The following LRRTM4 variants were observed in gnomAD, a reference collection of about 807,000 sequenced individuals.
The protein encoded by LRRTM4 is leucine-rich repeat transmembrane neuronal protein 4.
A neutral mutation model predicts 47.6 loss-of-function variants in LRRTM4; 25 were observed. The observed-to-expected ratio is 0.53, with a 90% CI of 0.38 to 0.73. The LOEUF (loss-of-function observed/expected upper bound fraction) is 0.73, where lower values mean the gene tolerates loss of function less well. LRRTM4 is among the 30% of genes least tolerant of loss of function. The probability of loss-of-function intolerance (pLI) is 0.00; values close to 1 mark genes in which losing one functional copy is unlikely to be tolerated. For synonymous variants in LRRTM4, 311 were observed against 269.5 expected, an observed-to-expected ratio of 1.15 and a Z score of -1.51; for missense variants, 638 against 713.4, an observed-to-expected ratio of 0.89 and a Z score of 1.20.
chr2:77,379,027 T>A (rs894447284), intron 3 of LRRTM4, among the ~76,000 whole-genome samples: 1 of 152,158 alleles, frequency 6.6e-6, no homozygotes, highest in Non-Finnish European at 1.5e-5. Context: ...AATTGCTTAG[T>A]GTATTTTTCA....
intron 3 of LRRTM4, among the ~76,000 whole-genome samples, chr2:76,769,803 G>T (rs1339262181): frequency 6.6e-6 from 1 of 152,134 alleles, no homozygotes; most frequent in Non-Finnish European, 1.5e-5. Context: ...AATGGAAATT[G>T]TATTTTTCAT....
intron 3 of LRRTM4, among the ~76,000 whole-genome samples, chr2:76,769,250 T>C (rs1018481541): frequency 1.3e-5 from 2 of 152,160 alleles, no homozygotes; most frequent in African/African-American, 2.4e-5. Context: ...TTAGACTTAA[T>C]CTACCCTGAA....
chr2:77,474,528 T>C (rs1195413104), intron 3 of LRRTM4, among the ~76,000 whole-genome samples: 1 of 152,082 alleles, frequency 6.6e-6, no homozygotes, highest in African/African-American at 2.4e-5. Context: ...ATCAATATAA[T>C]AGATTAAAGA....
At position 77,106,455 on chromosome 2, in the gene LRRTM4, T is replaced by C. The variant is rs184587831; in HGVS notation, c.1552-357539A>G. Among the ~76,000 whole-genome samples, 13 of 152,284 alleles carry C rather than the reference T, an allele frequency of 8.5e-5. 1 individual carries two copies. Among genetic ancestry groups the C allele is most frequent in the Non-Finnish European group, 1.8e-4 (12 of 68,020 alleles). On this transcript the variant is annotated intron_variant, in intron 3 of 3. Transcript: ENST00000409884. Reference sequence around the variant, plus strand: ...AATTTTACCTTCTCTGCTGTAAGCATTACCTCTGCACTTACTTTTTATCCT... The same window carrying C: ...AATTTTACCTTCTCTGCTGTAAGCACTACCTCTGCACTTACTTTTTATCCT...
chr2:77,229,041 A>C (rs563321640), intron 3 of LRRTM4, among the ~76,000 whole-genome samples: 50 of 152,154 alleles, frequency 3.3e-4, no homozygotes, highest in Non-Finnish European at 6.3e-4. Context: ...CTCTCTCTTT[A>C]TATCACTCAT....
rs368780059 is a variant in LRRTM4, at chr2:77,028,903, T to C, written c.1552-279987A>G. Among the ~76,000 whole-genome samples the C allele has an allele frequency of 7.1e-3, 1,063 of 150,538 alleles. 13 individuals carry two copies. The highest frequency in any genetic ancestry group is 0.022 in the African/African-American group (907 of 40,930). ...ACAAAAAATTAGCTGAGCGTGGTGG[T>C]GGGGGCCTGTAGTCCCAGCTACTCG... is the stretch of plus-strand genomic sequence containing the variant. On this transcript the variant is annotated intron_variant, in intron 3 of 3. Transcript: ENST00000409884.
intron 3 of LRRTM4, among the ~76,000 whole-genome samples, chr2:77,039,717 TC>T (rs1198592159): frequency 6.6e-6 from 1 of 151,290 alleles, no homozygotes; most frequent in African/African-American, 2.4e-5. Flanking sequence ...ATTAGAATGT[TC>T]CCTTTTTTCA....
chr2:76,964,399 C>T (rs947701803), intron 3 of LRRTM4, among the ~76,000 whole-genome samples: 1 of 150,884 alleles, frequency 6.6e-6, no homozygotes, highest in Admixed American at 6.6e-5. Flanking sequence ...GTCTACCATA[C>T]AGAGTATTCC....
intron 3 of LRRTM4, among the ~76,000 whole-genome samples, chr2:77,115,730 G>C (rs945514251): frequency 7.9e-5 from 12 of 152,098 alleles, no homozygotes; most frequent in African/African-American, 2.7e-4. Context: ...AATTATGTGA[G>C]AAATTCTTCA....
chr2:76,800,790 G>T (rs370885679), intron 3 of LRRTM4, among the ~76,000 whole-genome samples: 3 of 137,732 alleles, frequency 2.2e-5, no homozygotes, highest in Non-Finnish European at 3.1e-5. Flanking sequence ...AAAAGTGGGC[G>T]AAGGACATGA....
At chr2:77,013,188 T>G (rs727000) in intron 3 of LRRTM4, among the ~76,000 whole-genome samples, 83,991 of 152,034 alleles carry the variant, frequency 0.55, 25,417 homozygotes, top group African/African-American at 0.8. Flanking sequence ...GGGAAAGGTA[T>G]AACCACTGAA....
chr2:76,764,441 C>A (rs1310645386), intron 3 of LRRTM4, among the ~76,000 whole-genome samples: 1 of 152,078 alleles, frequency 6.6e-6, no homozygotes, highest in Non-Finnish European at 1.5e-5. Flanking sequence ...ACCATCCTGG[C>A]TAACACGGTG....
chr2:77,517,026 T>C, intron 3 of LRRTM4: 11 of 984,796 alleles, frequency 1.1e-5, no homozygotes, highest in Non-Finnish European at 1.3e-5. Flanking sequence ...TAAAATCAGA[T>C]ACTAAAACAT....
intron 3 of LRRTM4, among the ~76,000 whole-genome samples, chr2:77,060,289 G>C (rs1205123070): frequency 6.6e-6 from 1 of 151,970 alleles, no homozygotes; most frequent in Non-Finnish European, 1.5e-5. Context: ...TGATTTTTTG[G>C]GGGTGTGGCA....
chr2:77,247,528 G>T (rs1675481018), intron 3 of LRRTM4, among the ~76,000 whole-genome samples: 1 of 152,030 alleles, frequency 6.6e-6, no homozygotes, highest in Admixed American at 6.6e-5. Context: ...ACTCAGAACA[G>T]AACTACTTTG....
intron 3 of LRRTM4, among the ~76,000 whole-genome samples, chr2:76,932,993 T>A (rs1183590435): frequency 6.6e-6 from 1 of 152,160 alleles, no homozygotes; most frequent in African/African-American, 2.4e-5. Context: ...TTCACACAGT[T>A]GGTTGAAGTT....
At chr2:77,084,663 A>G (rs1370050150) in intron 3 of LRRTM4, among the ~76,000 whole-genome samples, 1 of 152,126 alleles carries the variant, frequency 6.6e-6, no homozygotes, top group Non-Finnish European at 1.5e-5. Context: ...GATGTGTTAT[A>G]TTTTCAAGTT....
intron 3 of LRRTM4, among the ~76,000 whole-genome samples, chr2:76,896,286 T>G (rs371582909): frequency 7.6e-4 from 115 of 152,070 alleles, no homozygotes; most frequent in African/African-American, 2.7e-3. Context: ...AATGATCACT[T>G]CAAAAATAAT....
At chr2:77,080,328 G>C (rs565073288) in intron 3 of LRRTM4, among the ~76,000 whole-genome samples, 1 of 151,912 alleles carries the variant, frequency 6.6e-6, no homozygotes, top group East Asian at 1.9e-4. Context: ...AGTTTCCTTT[G>C]AGCACTGTCC....
Sources: allele counts gnomAD v4.1 joint callset (sites outside exome capture counted in the v4.1 genomes callset), GRCh38; gene constraint gnomAD v4.1.1; transcripts MANE v1.5; gene names NCBI Gene and HGNC (gene_info 2026-07-23, HGNC 2026-07-21).